BRWD3: variants seen among roughly 807,000 people sequenced by gnomAD.
The protein encoded by BRWD3 is bromodomain and WD repeat domain containing 3.
A neutral mutation model predicts 149.7 loss-of-function variants in BRWD3; 10 were observed. That is an observed-to-expected ratio of 0.07 (90% CI 0.04 to 0.11). The LOEUF (loss-of-function observed/expected upper bound fraction) is 0.11, where lower values mean the gene tolerates loss of function less well. Among genes scored for constraint, BRWD3 ranks in the 10% least tolerant of loss-of-function variants. The pLI is 1.00. For missense variants in BRWD3, 940 were observed against 1,373.2 expected (o/e 0.68, Z 4.99); for synonymous variants, 504 against 456.7 (o/e 1.10, Z -1.32).
chrX:80,796,156 A>G (rs183809387), intron 4 of BRWD3, among the ~76,000 whole-genome samples: 58 of 105,681 alleles, frequency 5.5e-4, no homozygotes, highest in African/African-American at 1.9e-3. Flanking sequence ...TTTGAGTCGG[A>G]GTCTCGCTCT....
At chrX:80,757,996 T>C (rs778169655) in intron 6 of BRWD3, among the ~76,000 whole-genome samples, 1 of 111,556 alleles carries the variant, frequency 9.0e-6, no homozygotes, top group South Asian at 3.7e-4. Context: ...GGTAGGGAGT[T>C]CGAGACCAGC....
At chrX:80,741,105 T>G (rs961875682) in intron 8 of BRWD3, among the ~76,000 whole-genome samples, 4 of 108,933 alleles carry the variant, frequency 3.7e-5, no homozygotes, top group Admixed American at 9.8e-5. Context: ...TTCCCCTTCC[T>G]GTGTCCAGGT....
intron 24 of BRWD3, among the ~76,000 whole-genome samples, chrX:80,700,733 C>T (rs750567754): frequency 9.4e-6 from 1 of 106,652 alleles, no homozygotes; most frequent in African/African-American, 3.4e-5. Flanking sequence ...GCAAAACTCC[C>T]TGTCAAAAAA....
intron 40 of BRWD3, among the ~76,000 whole-genome samples, chrX:80,680,884 C>T (rs934712823): frequency 1.8e-5 from 2 of 109,269 alleles, no homozygotes; most frequent in Non-Finnish European, 3.8e-5. Flanking sequence ...TCACAGCTCA[C>T]TGTAGTCTCC....
chrX:80,793,102 T>C (rs1286664381), intron 5 of BRWD3, among the ~76,000 whole-genome samples: 2 of 86,621 alleles, frequency 2.3e-5, no homozygotes, highest in African/African-American at 8.8e-5. Context: ...GCGGAGGTTG[T>C]GGTGAGCCGA....
Position 80,699,891 on chromosome X carries a change from C to T in BRWD3, c.2943+66G>A, listed in dbSNP as rs1439005742. On this transcript the variant is annotated intron_variant, in intron 25 of 40. Coordinates refer to ENST00000373275, the MANE Select transcript of BRWD3 (RefSeq NM_153252.5). The stretch of plus-strand genomic sequence containing the variant: ...TATGCATAAAACTGAGGGGAAAAAA[C>T]CATGGGTAAGCAATTTAATTCCAAA... 8 of 833,784 alleles carry T rather than the reference C, an allele frequency of 9.6e-6. No homozygotes were observed. In the Admixed American group the frequency reaches 1.5e-4, roughly 16 times the overall value. The allele number at this position is 833,784 out of a possible 1,213,427, so 68.7% of individuals were successfully genotyped here. A position where few individuals can be genotyped will look rare whatever the true frequency, so the allele number is the denominator to read the frequency against.
At chrX:80,688,268 G>C in intron 33 of BRWD3, 143 bp from the exon 34 acceptor site, 1 of 502,703 alleles carries the variant, frequency 2.0e-6, no homozygotes. Context: ...AAGATAGAGG[G>C]AGACTCACAC....
chrX:80,754,184 C>T (rs781128354), intron 6 of BRWD3, among the ~76,000 whole-genome samples: 7 of 112,045 alleles, frequency 6.2e-5, no homozygotes, highest in Non-Finnish European at 9.4e-5. Context: ...GTGTCATCTA[C>T]AATTTCCTAA....
intron 14 of BRWD3, among the ~76,000 whole-genome samples, chrX:80,725,970 T>C (rs933073874): frequency 4.6e-5 from 5 of 108,256 alleles, no homozygotes; most frequent in Admixed American, 3.9e-4. Context: ...CATAACATGT[T>C]TACATGTTAT....
chrX:80,751,365 T>A (rs1348996768), intron 6 of BRWD3, among the ~76,000 whole-genome samples: 1 of 111,303 alleles, frequency 9.0e-6, no homozygotes. Flanking sequence ...GCCTTGAATA[T>A]ACAAAATTAT....
At chrX:80,744,869 T>C (rs2073568492) in intron 7 of BRWD3, among the ~76,000 whole-genome samples, 1 of 111,709 alleles carries the variant, frequency 9.0e-6, no homozygotes, top group Non-Finnish European at 1.9e-5. Context: ...TTTAGAGCCA[T>C]TAAGTCATTA....
intron 14 of BRWD3, among the ~76,000 whole-genome samples, chrX:80,727,539 T>G (rs1189795854): frequency 9.0e-6 from 1 of 111,325 alleles, no homozygotes; most frequent in Non-Finnish European, 1.9e-5. Context: ...CTCACATATT[T>G]GATTTACCAA....
chrX:80,706,670 C>T (rs1399147588), intron 22 of BRWD3, among the ~76,000 whole-genome samples: 1 of 111,867 alleles, frequency 8.9e-6, no homozygotes, highest in African/African-American at 3.2e-5. Context: ...GAGGACCTGA[C>T]AGAGGCTATT....
intron 6 of BRWD3, among the ~76,000 whole-genome samples, chrX:80,781,207 T>A (rs765954777): frequency 1.1e-3 from 126 of 111,038 alleles, no homozygotes; most frequent in Non-Finnish European, 2.1e-3. Flanking sequence ...AAAACAGAGC[T>A]CCCATAAAAT....
intron 6 of BRWD3, among the ~76,000 whole-genome samples, chrX:80,754,016 T>C (rs2073706090): frequency 8.9e-6 from 1 of 112,087 alleles, no homozygotes; most frequent in African/African-American, 3.2e-5. Flanking sequence ...TCTTTTTGGT[T>C]CCATATGAAT....
chrX:80,777,454 C>T (rs1406033343), intron 6 of BRWD3, among the ~76,000 whole-genome samples: 2 of 111,149 alleles, frequency 1.8e-5, no homozygotes, highest in Non-Finnish European at 3.8e-5. Context: ...GTGCAATGGC[C>T]TGAACACAGC....
At chrX:80,704,878 G>A in intron 22 of BRWD3, 32 bp from the exon 23 acceptor site, 1 of 1,131,322 alleles carries the variant, frequency 8.8e-7, no homozygotes, top group Non-Finnish European at 1.2e-6. Flanking sequence ...GGATACCTAA[G>A]TATAGAAAAG....
chrX:80,682,448 C>T lies in BRWD3; in HGVS notation c.4397+17G>A. On this transcript the variant is annotated intron_variant, in intron 38 of 40. Transcript: ENST00000373275. ...AATGCTTTGAGAACAAAAAATGTTGCATCAATGTAATGATACCTAGGTGCT... is the reference window on the plus strand; with the variant it reads ...AATGCTTTGAGAACAAAAAATGTTGTATCAATGTAATGATACCTAGGTGCT... The T allele has an allele frequency of 8.3e-7, 1 of 1,205,439 alleles. No homozygotes were observed. Among genetic ancestry groups the T allele is most frequent in the Non-Finnish European group, 1.1e-6 (1 of 890,465 alleles).
chrX:80,723,391 T>C (rs1468842261), intron 16 of BRWD3, among the ~76,000 whole-genome samples: 1 of 110,693 alleles, frequency 9.0e-6, no homozygotes, highest in Non-Finnish European at 1.9e-5. Context: ...CCTAAGAAAA[T>C]AAAAATATTC....
Sources: gnomAD v4.1 joint callset for allele counts (sites outside exome capture counted in the v4.1 genomes callset) on GRCh38, gnomAD v4.1.1 for gene constraint, MANE v1.5 for transcripts, NCBI Gene and HGNC (gene_info 2026-07-23, HGNC 2026-07-21) for gene names.